Variants in PDE4DIP observed in about 807,000 individuals in gnomAD.
The protein encoded by PDE4DIP is myomegalin.
A neutral mutation model predicts 221.4 loss-of-function variants in PDE4DIP; 59 were observed. That is an observed-to-expected ratio of 0.27 (90% CI 0.22 to 0.33). The LOEUF (loss-of-function observed/expected upper bound fraction) is 0.33. Among genes scored for constraint, PDE4DIP ranks in the 10% least tolerant of loss-of-function variants. PDE4DIP has a pLI of 1.00. For synonymous variants in PDE4DIP, 404 were observed against 815.9 expected, an observed-to-expected ratio of 0.50 and a Z score of 8.60; for missense variants, 1,036 against 2,154.2, an observed-to-expected ratio of 0.48 and a Z score of 10.28.
chr1:148,877,647 TAAG>T (rs1429050694), intron 3 of PDE4DIP, among the ~76,000 whole-genome samples: 5 of 94,280 alleles, frequency 5.3e-5, no homozygotes, highest in Non-Finnish European at 8.3e-5. Context: ...GAAGAAGGAA[TAAG>T]AAGTAGCCAC....
chr1:149,016,968 C>T (rs2070814478), intron 33 of PDE4DIP, among the ~76,000 whole-genome samples: 1 of 152,248 alleles, frequency 6.6e-6, no homozygotes, highest in Admixed American at 6.5e-5. Flanking sequence ...AAAATTCAGT[C>T]ACAGCAAGTG....
At chr1:148,949,257 A>G (rs1375325112) in intron 5 of PDE4DIP, among the ~76,000 whole-genome samples, 1 of 151,282 alleles carries the variant, frequency 6.6e-6, no homozygotes, top group Non-Finnish European at 1.5e-5. Flanking sequence ...TAAGGAAAAA[A>G]GAAAATAAAT....
At chr1:149,022,243 A>G (rs1178996929) in intron 37 of PDE4DIP, among the ~76,000 whole-genome samples, 1 of 145,984 alleles carries the variant, frequency 6.9e-6, no homozygotes, top group East Asian at 2.2e-4. Flanking sequence ...ATTAAGGGGC[A>G]CCATCTTTGA....
At chr1:148,953,491 G>A (rs141727891) in intron 5 of PDE4DIP, 5 of 1,610,904 alleles carry the variant, frequency 3.1e-6, no homozygotes, top group Non-Finnish European at 4.2e-6. Flanking sequence ...AGGAAGAGAC[G>A]CCTGGTTCCT....
At chr1:148,907,259 CT>C (rs1420105420) in intron 1 of PDE4DIP, among the ~76,000 whole-genome samples, 2 of 136,024 alleles carry the variant, frequency 1.5e-5, no homozygotes, top group African/African-American at 5.7e-5. Flanking sequence ...AATTCTGTAT[CT>C]TTTAAGTGGC....
intron 14 of PDE4DIP, among the ~76,000 whole-genome samples, chr1:148,969,926 C>T (rs868932775): frequency 3.9e-5 from 6 of 152,006 alleles, no homozygotes; most frequent in Admixed American, 2.0e-4. Context: ...GGCTGGCTTA[C>T]GATTCCTGGC....
intron 21 of PDE4DIP, chr1:148,981,772 C>G: frequency 4.4e-6 from 1 of 225,812 alleles, no homozygotes; most frequent in East Asian, 8.9e-5. Flanking sequence ...TTTATTCTTC[C>G]CCAACTTTCA....
chr1:149,013,121 C>A (rs2069143348), intron 32 of PDE4DIP, among the ~76,000 whole-genome samples: 1 of 152,224 alleles, frequency 6.6e-6, no homozygotes, highest in South Asian at 2.1e-4. Flanking sequence ...TTTGCCTATG[C>A]AGGATGAAGT....
upstream of PDE4DIP, among the ~76,000 whole-genome samples, chr1:148,889,205 A>G (rs1186100592): frequency 6.6e-6 from 1 of 151,230 alleles, no homozygotes; most frequent in Non-Finnish European, 1.5e-5. Flanking sequence ...TTCTATAGCA[A>G]CCTTATTTCT....
chr1:148,859,577 T>G (rs10910701), intron 1 of PDE4DIP, among the ~76,000 whole-genome samples: 24 of 152,116 alleles, frequency 1.6e-4, no homozygotes, highest in Admixed American at 8.5e-4. Context: ...AAAGCAAAAT[T>G]TTAAGTGAAA....
chr1:148,863,437 A>T, intron 2 of PDE4DIP, 132 bp downstream of exon 2: 1 of 294,278 alleles, frequency 3.4e-6, no homozygotes, highest in Non-Finnish European at 5.5e-6. Flanking sequence ...GCTCACTGCA[A>T]CCTCAAACTC....
Position 149,022,475 on chromosome 1 carries a change from G to T in PDE4DIP, c.6085+1322G>T, listed in dbSNP as rs1241208076. On this transcript the variant is annotated intron_variant, in intron 37 of 43. Transcript: ENST00000369354. ...AAACAAAGAGTGAAGGGCAGTGGAA[G>T]TTAGATTAGAATTATCATAAATCCT... Among the ~76,000 whole-genome samples, 18 of 152,322 alleles carry T rather than the reference G, an allele frequency of 1.2e-4. No individual in the cohort carries two copies. The South Asian group carries it at 3.1e-3, about 26-fold the overall frequency.
At chr1:149,004,263 A>C (rs1553588925) in intron 26 of PDE4DIP, among the ~76,000 whole-genome samples, 1 of 152,180 alleles carries the variant, frequency 6.6e-6, no homozygotes, top group African/African-American at 2.4e-5. Context: ...ATCAGGTACT[A>C]AGGTCAATTA....
At chr1:149,017,803 G>A (rs201220432) in exon 34 of PDE4DIP, 2 of 1,610,018 alleles carry the variant, frequency 1.2e-6, no homozygotes, top group East Asian at 2.3e-5. Flanking sequence ...GCCAGCGCCT[G>A]GAGGAATCCA....
chr1:148,980,120 C>G (rs1444396626), intron 20 of PDE4DIP, among the ~76,000 whole-genome samples: 4 of 152,234 alleles, frequency 2.6e-5, no homozygotes, highest in Admixed American at 6.5e-5. Flanking sequence ...GTGTCTAAAA[C>G]AATGCCTTGC....
intron 2 of PDE4DIP, 64 bp from the exon 6 acceptor site, chr1:148,931,736 C>G (rs2798871): frequency 8.5e-7 from 1 of 1,173,396 alleles, no homozygotes; most frequent in East Asian, 2.3e-5. Context: ...AAAGAACAAC[C>G]TTAATGGTTC....
At chr1:148,973,385 C>T (rs1307592496) in intron 16 of PDE4DIP, among the ~76,000 whole-genome samples, 8 of 150,184 alleles carry the variant, frequency 5.3e-5, no homozygotes, top group Admixed American at 5.3e-4. Context: ...CCTCCTCGGC[C>T]TCCCAAAGTA....
intron 4 of PDE4DIP, among the ~76,000 whole-genome samples, chr1:148,933,037 C>T (rs1187461691): frequency 6.6e-6 from 1 of 152,068 alleles, no homozygotes; most frequent in Non-Finnish European, 1.5e-5. Context: ...TCTAGGACTT[C>T]CCAGCCTCCA....
At chr1:148,996,445 A>T (rs1217276754) in intron 22 of PDE4DIP, among the ~76,000 whole-genome samples, 2 of 152,240 alleles carry the variant, frequency 1.3e-5, no homozygotes, top group African/African-American at 4.8e-5. Context: ...GATGGCCACC[A>T]GCCTGATTAA....
Sources: gnomAD v4.1 joint callset for allele counts (sites outside exome capture counted in the v4.1 genomes callset) on GRCh38, gnomAD v4.1.1 for gene constraint, MANE v1.5 for transcripts, NCBI Gene and HGNC (gene_info 2026-07-23, HGNC 2026-07-21) for gene names.